TAB2: variants seen among roughly 807,000 people sequenced by gnomAD.
TAB2 encodes the protein TGF-beta activated kinase 1 (MAP3K7) binding protein 2, also known as TGF-beta-activated kinase 1 and MAP3K7-binding protein 2.
Under a neutral mutation model 65.0 loss-of-function variants are expected in TAB2, and 3 were observed. The observed-to-expected ratio is 0.05, with a 90% confidence interval of 0.02 to 0.12. TAB2 has a LOEUF of 0.12. TAB2 is among the 10% of genes least tolerant of loss of function. The pLI is 1.00. For synonymous variants in TAB2, 298 were observed against 285.1 expected (o/e 1.05, Z -0.46); for missense variants, 623 against 840.3 (o/e 0.74, Z 3.20).
chr6:149,257,025 A>G (rs1778051439), intron 1 of TAB2, among the ~76,000 whole-genome samples: 1 of 152,246 alleles, frequency 6.6e-6, no homozygotes. Flanking sequence ...AAAAGAATAA[A>G]GCTAGAAACC....
intron 1 of TAB2, among the ~76,000 whole-genome samples, chr6:149,309,536 A>G (rs1403145508): frequency 1.3e-5 from 2 of 151,844 alleles, no homozygotes; most frequent in African/African-American, 4.8e-5. Context: ...AGCTGGGACT[A>G]CAGGCGCCCG....
At chr6:149,406,470 A>G (rs1053215275) in intron 6 of TAB2, among the ~76,000 whole-genome samples, 3 of 152,214 alleles carry the variant, frequency 2.0e-5, no homozygotes, top group Non-Finnish European at 2.9e-5. Flanking sequence ...TCACATGTCT[A>G]CATACTGGTA....
intron 1 of TAB2, among the ~76,000 whole-genome samples, chr6:149,337,834 T>C (rs141024804): frequency 4.3e-4 from 65 of 152,254 alleles, no homozygotes; most frequent in African/African-American, 1.5e-3. Flanking sequence ...TCTGGTCATT[T>C]ATATGTTTGA....
At chr6:149,278,533 G>A (rs35421336) in intron 1 of TAB2, among the ~76,000 whole-genome samples, 2 of 152,190 alleles carry the variant, frequency 1.3e-5, no homozygotes, top group Non-Finnish European at 2.9e-5. Context: ...AGGGATCAGA[G>A]AGAACTTTGA....
chr6:149,323,958 A>G (rs184468124), intron 1 of TAB2, among the ~76,000 whole-genome samples: 4 of 152,248 alleles, frequency 2.6e-5, no homozygotes, highest in East Asian at 3.9e-4. Context: ...ACTGTCTACT[A>G]CAGGACAGAA....
chr6:149,290,206 G>A (rs1778751221), intron 1 of TAB2, among the ~76,000 whole-genome samples: 1 of 152,140 alleles, frequency 6.6e-6, no homozygotes, highest in Non-Finnish European at 1.5e-5. Flanking sequence ...TAGTTTTTCA[G>A]GTTAACTTTG....
At chr6:149,277,500 G>C (rs6570962) in intron 1 of TAB2, among the ~76,000 whole-genome samples, 79,430 of 151,886 alleles carry the variant, frequency 0.52, 23,138 homozygotes, top group African/African-American at 0.78. Flanking sequence ...ATGTTAAAGT[G>C]CTTGGAAAGA....
chr6:149,307,303 G>C (rs568420466), intron 1 of TAB2, among the ~76,000 whole-genome samples: 2 of 152,178 alleles, frequency 1.3e-5, no homozygotes, highest in Non-Finnish European at 2.9e-5. Context: ...GATGGGAGAA[G>C]AGTGACATGG....
At chr6:149,380,164 C>G (rs1258253604) in intron 3 of TAB2, 22 of 251,138 alleles carry the variant, frequency 8.8e-5, no homozygotes. Context: ...TGCTTGAGCC[C>G]AGGAGTTCAA....
intron 3 of TAB2, among the ~76,000 whole-genome samples, chr6:149,392,139 A>T (rs913226420): frequency 1.4e-4 from 1 of 7,208 alleles, no homozygotes; most frequent in Non-Finnish European, 2.9e-4. Context: ...TTTTTTTGGC[A>T]GGGGGCGGGG....
At chr6:149,386,420 A>G (rs148940940) in intron 3 of TAB2, among the ~76,000 whole-genome samples, 543 of 151,662 alleles carry the variant, frequency 3.6e-3, no homozygotes, top group Non-Finnish European at 6.1e-3. Flanking sequence ...AGGAAACCTC[A>G]TATCCTGTAA....
chr6:149,218,150 A>C (rs1298011129), upstream of TAB2: 1 of 152,236 alleles, frequency 6.6e-6, no homozygotes, highest in African/African-American at 2.4e-5. Flanking sequence ...GTCTTAAAAA[A>C]TATACTAGAC....
At chr6:149,225,108 A>G (rs1354120048) in intron 1 of TAB2, among the ~76,000 whole-genome samples, 1 of 152,242 alleles carries the variant, frequency 6.6e-6, no homozygotes, top group Non-Finnish European at 1.5e-5. Flanking sequence ...ATTACAGCCA[A>G]ATTGAACAAC....
At chr6:149,219,113 G>T (rs1583027917) in intron 1 of TAB2, among the ~76,000 whole-genome samples, 2 of 152,144 alleles carry the variant, frequency 1.3e-5, no homozygotes, top group East Asian at 3.9e-4. Flanking sequence ...ATTGGGCTGG[G>T]AGCGTTCAGT....
At chr6:149,351,399 A>G (rs185615724) in intron 1 of TAB2, among the ~76,000 whole-genome samples, 12 of 152,356 alleles carry the variant, frequency 7.9e-5, no homozygotes, top group Non-Finnish European at 1.5e-5. Context: ...AATAATTACT[A>G]CTACTACCAG....
chr6:149,228,416 C>T (rs1777330260), intron 1 of TAB2, among the ~76,000 whole-genome samples: 2 of 152,134 alleles, frequency 1.3e-5, no homozygotes, highest in Admixed American at 1.3e-4. Context: ...AACCCTCGGC[C>T]ACCAGGGTGT....
intron 1 of TAB2, among the ~76,000 whole-genome samples, chr6:149,339,376 T>G (rs556768129): frequency 2.6e-4 from 39 of 147,376 alleles, no homozygotes; most frequent in Admixed American, 7.7e-4. Flanking sequence ...TCAAAAAAAA[T>G]GAAAAAAAGA....
chr6:149,233,503 A>G (rs909602109), intron 1 of TAB2, among the ~76,000 whole-genome samples: 1 of 152,138 alleles, frequency 6.6e-6, no homozygotes, highest in Non-Finnish European at 1.5e-5. Flanking sequence ...CTCCTCCATT[A>G]TATTATGAGC....
rs544270077 is a variant in TAB2 at position 149,263,113 on chromosome 6, C to G, written c.-121+44337C>G. ...AGCCACCACACCTGGCCTCTCTTCACTCTTTCTAAGAGTTAAATATTCTTT... is the reference window on the plus strand; with the variant it reads ...AGCCACCACACCTGGCCTCTCTTCAGTCTTTCTAAGAGTTAAATATTCTTT... On this transcript the variant is annotated intron_variant, in intron 1 of 1. Coordinates refer to the TAB2 transcript ENST00000606202. Among the ~76,000 whole-genome samples, 4 of 152,276 alleles carry G rather than the reference C, an allele frequency of 2.6e-5. No homozygotes were observed. In the South Asian group the frequency reaches 8.3e-4, roughly 32 times the overall value.
Sources: gnomAD v4.1 joint callset for allele counts (sites outside exome capture counted in the v4.1 genomes callset) on GRCh38, gnomAD v4.1.1 for gene constraint, MANE v1.5 for transcripts, NCBI Gene and HGNC (gene_info 2026-07-23, HGNC 2026-07-21) for gene names.